The following WNT9A variants were observed in gnomAD, a reference collection of about 807,000 sequenced individuals.
WNT9A encodes the protein Wnt family member 9A.
Under a neutral mutation model 31.4 loss-of-function variants are expected in WNT9A, and 8 were observed. That is an observed-to-expected ratio of 0.26 (90% CI 0.15 to 0.46). WNT9A has a LOEUF of 0.46. WNT9A is among the 20% of genes least tolerant of loss of function. The probability of loss-of-function intolerance (pLI) is 0.99; values close to 1 mark genes in which losing one functional copy is unlikely to be tolerated. For missense variants in WNT9A, 457 were observed against 522.9 expected, an observed-to-expected ratio of 0.87 and a Z score of 1.23; for synonymous variants, 236 against 220.1, an observed-to-expected ratio of 1.07 and a Z score of -0.64.
In WNT9A at chr1:227,925,143, G is replaced by C. The variant is rs923942333; in HGVS notation, c.352+120C>G. On this transcript the variant is annotated intron_variant, in intron 2 of 3. Coordinates refer to ENST00000272164, the MANE Select transcript of WNT9A (RefSeq NM_003395.4). This position sits in a 1 kb window ranked among gnomAD's most constrained non-coding sequence, Gnocchi z 6.0. ...TCCAGGGCCTAGGCCCAGGAGCTCTGGGCAGGCTGGGCCCGGCGTCCCCAG... is the reference window on the plus strand; with the variant it reads ...TCCAGGGCCTAGGCCCAGGAGCTCTCGGCAGGCTGGGCCCGGCGTCCCCAG... 1.8e-5 allele frequency: 25 copies of C among 1,389,072 alleles called. No individual in the cohort carries two copies. In the African/African-American group the frequency reaches 3.5e-4, roughly 20 times the overall value. 86.0% of individuals were successfully genotyped at this position (1,389,072 alleles called of 1,614,324 possible). A position where few individuals can be genotyped will look rare whatever the true frequency, so the allele number is the denominator to read the frequency against.
chr1:227,945,324 GGA>G (rs1229125451), intron 1 of WNT9A, among the ~76,000 whole-genome samples: 1 of 152,126 alleles, frequency 6.6e-6, no homozygotes, highest in African/African-American at 2.4e-5. Flanking sequence ...CATAGCCATG[GGA>G]GAACCAGATG....
intron 1 of WNT9A, among the ~76,000 whole-genome samples, chr1:227,933,223 T>C (rs1370002616): frequency 1.3e-5 from 2 of 152,230 alleles, no homozygotes; most frequent in Non-Finnish European, 2.9e-5. Context: ...TCTTGCACTT[T>C]TATGTTACAG....
intron 1 of WNT9A, among the ~76,000 whole-genome samples, chr1:227,941,032 GC>G (rs1268934551): frequency 6.6e-6 from 1 of 152,268 alleles, no homozygotes. Context: ...ACTCTGCATG[GC>G]TGCTCTGGTG....
Position 227,925,612 on chromosome 1 carries a change from G to C in WNT9A, c.96-93C>G. On this transcript the variant is annotated intron_variant, in intron 1 of 3. Transcript: ENST00000272164. The surrounding 1 kb of genome is among the most constrained non-coding windows in gnomAD (Gnocchi z 6.0). ...GGTGGCCAGGGTACAGGGGACAGGCGTGTCCATCCGGGGGTGAGGGGGCAG... is the reference window on the plus strand; with the variant it reads ...GGTGGCCAGGGTACAGGGGACAGGCCTGTCCATCCGGGGGTGAGGGGGCAG... 7 of 1,424,212 alleles carry C rather than the reference G, an allele frequency of 4.9e-6. No homozygotes were observed. The highest frequency in any genetic ancestry group is 6.4e-6 in the Non-Finnish European group (7 of 1,091,644). 88.2% of individuals were successfully genotyped at this position (1,424,212 alleles called of 1,614,324 possible).
Position 227,947,910 on chromosome 1 carries a change from C to A in WNT9A, c.-23G>T. The A allele has an allele frequency of 2.9e-6, 3 of 1,051,632 alleles. No homozygotes were observed. Among genetic ancestry groups the A allele is most frequent in the Non-Finnish European group, 3.4e-6 (3 of 873,464 alleles). 65.1% of individuals were successfully genotyped at this position (1,051,632 alleles called of 1,614,324 possible). On this transcript the variant is annotated 5_prime_UTR_variant, in exon 1 of 4. Transcript: ENST00000272164. ...CATCTTGCCGCGCCTCGGCGGCCGA[C>A]CATCGCGCTCCCAGCTCCGCGCAGG... is the stretch of plus-strand genomic sequence containing the variant.
intron 1 of WNT9A, among the ~76,000 whole-genome samples, chr1:227,932,782 G>A (rs1410591621): frequency 6.6e-6 from 1 of 152,208 alleles, no homozygotes; most frequent in African/African-American, 2.4e-5. Context: ...CACTGCCAAT[G>A]AGCAATAATA....
intron 1 of WNT9A, among the ~76,000 whole-genome samples, chr1:227,935,740 T>TTTG (rs754982200): frequency 6.6e-6 from 1 of 152,162 alleles, no homozygotes; most frequent in Non-Finnish European, 1.5e-5. Flanking sequence ...TTTTTGGGTT[T>TTTG]TTGTTGTTGT....
chr1:227,943,463 C>G (rs1452118071), intron 1 of WNT9A, among the ~76,000 whole-genome samples: 1 of 152,200 alleles, frequency 6.6e-6, no homozygotes, highest in Non-Finnish European at 1.5e-5. Context: ...CAAAGAAGAC[C>G]CATGGCCCAT....
In WNT9A at chr1:227,926,334, G is replaced by A. The variant is rs1228221427; in HGVS notation, c.96-815C>T. Among the ~76,000 whole-genome samples, 1 of 152,026 alleles carries A rather than the reference G, an allele frequency of 6.6e-6. No individual in the cohort carries two copies. The highest frequency in any genetic ancestry group is 2.4e-5 in the African/African-American group (1 of 41,390). ...CAACCTCAACTGCTCCAGGAACCCG[G>A]CTCCACCCCACTGGGTGCCCCCTCC... On this transcript the variant is annotated intron_variant, in intron 1 of 3. Transcript: ENST00000272164. The surrounding 1 kb of genome is among the most constrained non-coding windows in gnomAD (Gnocchi z 5.0).
chr1:227,931,999 G>A (rs981015048), intron 1 of WNT9A, among the ~76,000 whole-genome samples: 3 of 152,108 alleles, frequency 2.0e-5, no homozygotes, highest in African/African-American at 7.2e-5. Flanking sequence ...GGGATTACAG[G>A]CGTGAGCCAT....
intron 1 of WNT9A, among the ~76,000 whole-genome samples, chr1:227,929,196 G>A (rs943311344): frequency 6.6e-6 from 1 of 151,798 alleles, no homozygotes; most frequent in Non-Finnish European, 1.5e-5. Context: ...TCCAGAGACC[G>A]TGACGGGAGG....
chr1:227,946,447 T>G (rs1364395020), intron 1 of WNT9A, among the ~76,000 whole-genome samples: 10 of 152,178 alleles, frequency 6.6e-5, no homozygotes, highest in African/African-American at 2.4e-4. Flanking sequence ...CGCGGACCTG[T>G]GGCCCTCCCT....
chr1:227,939,810 C>A (rs1666662177), intron 1 of WNT9A, among the ~76,000 whole-genome samples: 1 of 152,188 alleles, frequency 6.6e-6, no homozygotes. Context: ...CTGTGTGAAA[C>A]AAAATCAAAA....
intron 1 of WNT9A, among the ~76,000 whole-genome samples, chr1:227,938,496 C>A (rs937122951): frequency 6.6e-6 from 1 of 152,020 alleles, no homozygotes; most frequent in Non-Finnish European, 1.5e-5. Context: ...CACCCACACA[C>A]ACAGATACAC....
intron 1 of WNT9A, among the ~76,000 whole-genome samples, chr1:227,943,697 G>A (rs898004160): frequency 2.6e-5 from 4 of 152,204 alleles, no homozygotes; most frequent in East Asian, 1.9e-4. Flanking sequence ...AAATGCAGGC[G>A]GGGAGCAAGG....
At chr1:227,939,018 G>A (rs371447148) in intron 1 of WNT9A, among the ~76,000 whole-genome samples, 5 of 152,276 alleles carry the variant, frequency 3.3e-5, no homozygotes, top group African/African-American at 9.6e-5. Flanking sequence ...GGATGACGAC[G>A]GCTCCACGGG....
At chr1:227,941,388 A>G (rs1031692867) in intron 1 of WNT9A, among the ~76,000 whole-genome samples, 1 of 152,032 alleles carries the variant, frequency 6.6e-6, no homozygotes, top group South Asian at 2.1e-4. Flanking sequence ...CCCAGAGTTG[A>G]GCGACCAGGG....
chr1:227,924,592 C>G (rs1443672685), intron 2 of WNT9A, among the ~76,000 whole-genome samples, 192 bp from the exon 3 acceptor site: 1 of 151,962 alleles, frequency 6.6e-6, no homozygotes, highest in African/African-American at 2.4e-5. Context: ...GTGTCCCAGG[C>G]GCAGGGCTGG....
At chr1:227,937,596 A>G (rs1666616840) in intron 1 of WNT9A, among the ~76,000 whole-genome samples, 1 of 152,238 alleles carries the variant, frequency 6.6e-6, no homozygotes, top group Non-Finnish European at 1.5e-5. Context: ...GAGGCGGACG[A>G]GAGGGCCACG....
Sources: gnomAD v4.1 joint callset for allele counts (sites outside exome capture counted in the v4.1 genomes callset) on GRCh38, gnomAD v4.1.1 for gene constraint, Gnocchi (gnomAD v3.1) non-coding constraint, MANE v1.5 for transcripts, NCBI Gene and HGNC (gene_info 2026-07-23, HGNC 2026-07-21) for gene names.